ST6GAL2: variants seen among roughly 807,000 people sequenced by gnomAD.
The protein encoded by ST6GAL2 is beta-galactoside alpha-2,6-sialyltransferase 2.
A neutral mutation model predicts 37.5 loss-of-function variants in ST6GAL2; 24 were observed. The observed-to-expected ratio is 0.64, with a 90% CI of 0.46 to 0.90. The LOEUF (loss-of-function observed/expected upper bound fraction) is 0.90, where lower values mean the gene tolerates loss of function less well. ST6GAL2 is among the 40% of genes least tolerant of loss of function. ST6GAL2 has a pLI of 0.00. For missense variants in ST6GAL2, 715 were observed against 712.7 expected (o/e 1.00, Z -0.04); for synonymous variants, 306 against 295.1 (o/e 1.04, Z -0.38).
At chr2:106,854,911 A>T (rs1296824214) in intron 1 of ST6GAL2, among the ~76,000 whole-genome samples, 1 of 145,556 alleles carries the variant, frequency 6.9e-6, no homozygotes, top group African/African-American at 2.5e-5. Context: ...ACTTTAAGGA[A>T]TTTTTTATTA....
rs1331947249 is a variant in ST6GAL2, at chr2:106,858,833, C to T, written c.-57-14799G>A. Among the ~76,000 whole-genome samples the T allele has an allele frequency of 1.3e-5, 2 of 152,126 alleles. 1 individual carries two copies. Among genetic ancestry groups the T allele is most frequent in the Admixed American group, 1.3e-4 (2 of 15,276 alleles). Reference sequence around the variant, plus strand: ...GTGAGGATCTTGCAGGAATTCCCCACCCCACTGGAAATGGAAGCACTGTGA... The same window carrying T: ...GTGAGGATCTTGCAGGAATTCCCCATCCCACTGGAAATGGAAGCACTGTGA... On this transcript the variant is annotated intron_variant, in intron 1 of 5. Coordinates refer to ENST00000409382, the MANE Select transcript of ST6GAL2 (RefSeq NM_001142351.2).
intron 4 of ST6GAL2, among the ~76,000 whole-genome samples, chr2:106,831,499 A>C (rs1430251254): frequency 6.6e-6 from 1 of 152,162 alleles, no homozygotes; most frequent in Non-Finnish European, 1.5e-5. Flanking sequence ...AAGTTCAAAC[A>C]CCCATCTGAT....
At chr2:106,858,614 T>C (rs553260010) in intron 1 of ST6GAL2, among the ~76,000 whole-genome samples, 13 of 152,146 alleles carry the variant, frequency 8.5e-5, no homozygotes, top group African/African-American at 2.7e-4. Context: ...TCTGGGCTGA[T>C]GGAAAACAAG....
chr2:106,843,825 G>A lies in ST6GAL2; in HGVS notation c.153C>T (p.Leu51=), dbSNP rs1290712830. The A allele has an allele frequency of 6.2e-7, 1 of 1,611,946 alleles. No individual in the cohort carries two copies. The highest frequency in any genetic ancestry group is 1.7e-5 in the Admixed American group (1 of 59,978). Residue 51 remains leucine (L), a synonymous_variant, in exon 2 of 6, where the codon CTC becomes CTT. Coordinates refer to ENST00000409382, the MANE Select transcript of ST6GAL2 (RefSeq NM_001142351.2). The part of the protein sequence containing the change: ...SSLSFLETRR[L]LPVQGKQRAI... ...CCCGCTGCTTCCCCTGCACCGGCAG[G>A]AGCCTCCTGGTCTCCAGGAAGGAGA...
intron 1 of ST6GAL2, among the ~76,000 whole-genome samples, chr2:106,856,226 T>C (rs1199498612): frequency 6.6e-6 from 1 of 152,250 alleles, no homozygotes; most frequent in Non-Finnish European, 1.5e-5. Context: ...AGCACTCATG[T>C]ATTCCATCTT....
intron 4 of ST6GAL2, among the ~76,000 whole-genome samples, chr2:106,830,521 G>C (rs548399118): frequency 1.3e-5 from 2 of 152,326 alleles, no homozygotes; most frequent in South Asian, 4.1e-4. Context: ...CAAAGGGCCA[G>C]ATAATCAACA....
At chr2:106,815,547 C>T (rs1675768781) in intron 5 of ST6GAL2, among the ~76,000 whole-genome samples, 1 of 152,172 alleles carries the variant, frequency 6.6e-6, no homozygotes, top group Non-Finnish European at 1.5e-5. Context: ...AAAGAACAGT[C>T]CTTTTCTGTT....
At chr2:106,841,651 A>T (rs891335723) in intron 2 of ST6GAL2, among the ~76,000 whole-genome samples, 1 of 152,178 alleles carries the variant, frequency 6.6e-6, no homozygotes, top group African/African-American at 2.4e-5. Context: ...AGCTATGGCA[A>T]CACAAGAGCC....
chr2:106,838,240 T>C (rs1330736618), intron 2 of ST6GAL2, among the ~76,000 whole-genome samples: 2 of 152,286 alleles, frequency 1.3e-5, no homozygotes, highest in South Asian at 2.1e-4. Flanking sequence ...TCCTTGAGAA[T>C]GGAGCCAGAC....
In ST6GAL2 at chr2:106,803,024, A is replaced by T. The variant is rs1376852492; in HGVS notation, c.*3654T>A. The T allele has an allele frequency of 2.0e-5, 3 of 152,214 alleles. No individual in the cohort carries two copies. Among genetic ancestry groups the T allele is most frequent in the Non-Finnish European group, 4.4e-5 (3 of 68,054 alleles). The allele number at this position is 152,214 out of a possible 1,614,324, so 9.4% of individuals were successfully genotyped here. A position where few individuals can be genotyped will look rare whatever the true frequency, so the allele number is the denominator to read the frequency against. ...CACCCAAACGGGACCTACCTAATTA[A>T]TTCAGGAGATGTGTTACTGCTCAGA... On this transcript the variant is annotated 3_prime_UTR_variant, in exon 6 of 6. Coordinates refer to ENST00000409382, the MANE Select transcript of ST6GAL2 (RefSeq NM_001142351.2).
rs774275647 is a variant in ST6GAL2 at position 106,806,673 on chromosome 2, C to T, written c.*5G>A. 6.2e-7 allele frequency: 1 copy of T among 1,611,612 alleles called. No homozygotes were observed. The highest frequency in any genetic ancestry group is 8.5e-7 in the Non-Finnish European group (1 of 1,178,242). On this transcript the variant is annotated 3_prime_UTR_variant, in exon 6 of 6. Coordinates refer to ENST00000409382, the MANE Select transcript of ST6GAL2 (RefSeq NM_001142351.2). ...TATTGCACATTGATTCCCAAGAAAC[C>T]CTTTTTAAGAGTGTGGAATGACTGG...
chr2:106,865,117 G>A lies in ST6GAL2; in HGVS notation c.-58+20976C>T, dbSNP rs80273829. Among the ~76,000 whole-genome samples the A allele has an allele frequency of 7.6e-3, 1,154 of 152,246 alleles. 18 individuals are homozygous for A. Among genetic ancestry groups the A allele is most frequent in the African/African-American group, 0.026 (1,078 of 41,522 alleles). The stretch of plus-strand genomic sequence containing the variant: ...GATACAATAAAAGTAAATAACTTCC[G>A]AGAGCGCAGATAATATGAAATAAAT... On this transcript the variant is annotated intron_variant, in intron 1 of 5. Coordinates refer to ENST00000409382, the MANE Select transcript of ST6GAL2 (RefSeq NM_001142351.2).
rs374187659 is a variant in ST6GAL2 at position 106,838,655 on chromosome 2, T to C, written c.943+4380A>G. Among the ~76,000 whole-genome samples the C allele has an allele frequency of 2.4e-4, 36 of 152,342 alleles. No individual in the cohort carries two copies. In the South Asian group the frequency reaches 6.2e-3, roughly 26 times the overall value. On this transcript the variant is annotated intron_variant, in intron 2 of 5. Transcript: ENST00000409382. ...TGAATCCAGACTCTGCACATGTGACTGGAGGTACCTTCATTTCCTTATCTG... is the reference window on the plus strand; with the variant it reads ...TGAATCCAGACTCTGCACATGTGACCGGAGGTACCTTCATTTCCTTATCTG...
At chr2:106,844,090 T>C in intron 1 of ST6GAL2, 56 bp from the exon 2 acceptor site, 1 of 824,330 alleles carries the variant, frequency 1.2e-6, no homozygotes, top group Non-Finnish European at 1.9e-6. Flanking sequence ...CAGATGCTGC[T>C]GGGGACATTC....
chr2:106,884,471 C>T (rs10195310), intron 1 of ST6GAL2, among the ~76,000 whole-genome samples: 18,812 of 152,088 alleles, frequency 0.12, 2,225 homozygotes, highest in African/African-American at 0.32. Context: ...CTCACTCTTT[C>T]CAGGAGTATC....
At chr2:106,859,694 C>G (rs149817080) in intron 1 of ST6GAL2, among the ~76,000 whole-genome samples, 1 of 152,142 alleles carries the variant, frequency 6.6e-6, no homozygotes, top group East Asian at 1.9e-4. Context: ...TTCTGTACTG[C>G]CCCCATGTGG....
At chr2:106,858,711 C>T (rs1267528086) in intron 1 of ST6GAL2, among the ~76,000 whole-genome samples, 1 of 152,098 alleles carries the variant, frequency 6.6e-6, no homozygotes, top group Non-Finnish European at 1.5e-5. Context: ...CCCTCTTGGG[C>T]TAGCACCAAG....
At chr2:106,841,753 T>C (rs990650422) in intron 2 of ST6GAL2, among the ~76,000 whole-genome samples, 3 of 152,090 alleles carry the variant, frequency 2.0e-5, no homozygotes, top group African/African-American at 7.2e-5. Flanking sequence ...GGAGAGCCAA[T>C]GCAGGCCCAT....
At chr2:106,819,361 A>C (rs34915871) in intron 5 of ST6GAL2, among the ~76,000 whole-genome samples, 1 of 151,806 alleles carries the variant, frequency 6.6e-6, no homozygotes, top group Admixed American at 6.5e-5. Context: ...GAAAAAAAAA[A>C]CAAATATTAA....
Sources: allele counts gnomAD v4.1 joint callset (sites outside exome capture counted in the v4.1 genomes callset), GRCh38; gene constraint gnomAD v4.1.1; transcripts MANE v1.5; gene names NCBI Gene and HGNC (gene_info 2026-07-23, HGNC 2026-07-21).